Variants in TEX48 observed in about 807,000 individuals in gnomAD.
The protein encoded by TEX48 is testis expressed 48.
TEX48 carries 10 observed loss-of-function variants against 13.2 expected under a neutral mutation model. The observed-to-expected ratio is 0.75, with a 90% CI of 0.47 to 1.28. The LOEUF (loss-of-function observed/expected upper bound fraction) is 1.28. TEX48 is among the 50% of genes most tolerant of loss of function. The probability of loss-of-function intolerance (pLI) is 0.00; values close to 1 mark genes in which losing one functional copy is unlikely to be tolerated. For synonymous variants in TEX48, 45 were observed against 52.3 expected (o/e 0.86, Z 0.60); for missense variants, 116 against 139.4 (o/e 0.83, Z 0.84).
chr9:114,667,056 G>A lies in TEX48; in HGVS notation c.260-310C>T, dbSNP rs540948144. Among the ~76,000 whole-genome samples, 6 of 152,326 alleles carry A rather than the reference G, an allele frequency of 3.9e-5. No homozygotes were observed. In the East Asian group the frequency reaches 9.7e-4, roughly 25 times the overall value. On this transcript the variant is annotated intron_variant, in intron 4 of 4. Coordinates refer to ENST00000436752, the MANE Select transcript of TEX48 (RefSeq NM_001199233.2). ...ACTTACGTCATTCCCTAGTGCACTC[G>A]TGGGAAGTCCCTTTCCCTCTGTGAG...
intron 4 of TEX48, among the ~76,000 whole-genome samples, chr9:114,667,414 A>C (rs1396764554): frequency 6.6e-6 from 1 of 152,026 alleles, no homozygotes; most frequent in Non-Finnish European, 1.5e-5. Context: ...TTCTTCTGTG[A>C]CCCAGAGGCA....
intron 1 of TEX48, among the ~76,000 whole-genome samples, chr9:114,681,200 G>A (rs929699141): frequency 5.3e-5 from 8 of 152,012 alleles, no homozygotes; most frequent in South Asian, 4.2e-4. Context: ...GAGATCGTCC[G>A]TATTATCAGC....
At chr9:114,668,158 C>T (rs1170545128) in intron 4 of TEX48, 48 bp downstream of exon 4, 1 of 1,533,072 alleles carries the variant, frequency 6.5e-7, no homozygotes, top group Admixed American at 2.0e-5. Context: ...ACCAGGCTCC[C>T]TGTCTGGGAG....
intron 4 of TEX48, among the ~76,000 whole-genome samples, chr9:114,667,758 G>A (rs1445681902): frequency 6.6e-6 from 1 of 152,040 alleles, no homozygotes; most frequent in Non-Finnish European, 1.5e-5. Flanking sequence ...AATTAACCAG[G>A]CATGTTGGTG....
At chr9:114,677,641 GTC>G (rs940474234) in intron 1 of TEX48, among the ~76,000 whole-genome samples, 7 of 152,158 alleles carry the variant, frequency 4.6e-5, no homozygotes, top group African/African-American at 1.7e-4. Flanking sequence ...AGCCCTGAGT[GTC>G]TGGAGTTTTA....
chr9:114,671,454 C>T lies in TEX48; in HGVS notation c.56G>A (p.Cys19Tyr), dbSNP rs557924595. The change falls in exon 3 of 5, where the codon TGT becomes TAT. Residue 19 changes from cysteine (C) to tyrosine (Y), a missense_variant. Physicochemically the swap from Cys to Tyr is radical, Grantham distance 194. Coordinates refer to ENST00000436752, the MANE Select transcript of TEX48 (RefSeq NM_001199233.2). ...LKIFCLCCRD[C>Y]QEPYAINDSK... is the part of the protein sequence containing the mutation. Reference sequence around the variant, plus strand: ...GTCATTGATGGCATAGGGCTCCTGACAGTCCCTGCAGCATAAACAGAAGAT... The same window carrying T: ...GTCATTGATGGCATAGGGCTCCTGATAGTCCCTGCAGCATAAACAGAAGAT... The T allele has an allele frequency of 6.5e-6, 10 of 1,535,572 alleles. 1 individual carries two copies. The South Asian group carries it at 7.1e-5, about 11-fold the overall frequency.
In TEX48 at chr9:114,681,209, G is replaced by C. The variant is rs149270565; in HGVS notation, c.-105+826C>G. 2.4e-3 allele frequency among the ~76,000 whole-genome samples: 358 copies of C among 152,124 alleles called. 3 individuals carry two copies. The highest frequency in any genetic ancestry group is 7.8e-3 in the African/African-American group (322 of 41,496). ...ACCGTGGAGATCGTCCGTATTATCA[G>C]CAGCGATCTGAAGCGCAGGTTTGTT... is the stretch of plus-strand genomic sequence containing the variant. On this transcript the variant is annotated intron_variant, in intron 1 of 4. Transcript: ENST00000436752.
chr9:114,669,015 T>G (rs979082413), intron 3 of TEX48, among the ~76,000 whole-genome samples: 4 of 152,058 alleles, frequency 2.6e-5, no homozygotes, highest in Non-Finnish European at 5.9e-5. Context: ...TTTTAAATTT[T>G]TTTTTGTAGG....
chr9:114,674,017 G>C (rs751103401), intron 1 of TEX48, among the ~76,000 whole-genome samples: 1 of 151,784 alleles, frequency 6.6e-6, no homozygotes, highest in African/African-American at 2.4e-5. Context: ...TATAGCCCAG[G>C]CTGGCCTTGA....
rs1034208598 is a variant in TEX48 at position 114,666,695 on chromosome 9, C to G, written c.311G>C (p.Arg104Pro). The G allele has an allele frequency of 8.5e-6, 13 of 1,535,240 alleles. No homozygotes were observed. Among genetic ancestry groups the G allele is most frequent in the Non-Finnish European group, 8.7e-6 (10 of 1,146,624 alleles). Reference protein sequence around the residue: ...QRNFYKRNLNRYCQEHWPFQP... With the variant: ...QRNFYKRNLNPYCQEHWPFQP... The stretch of plus-strand genomic sequence containing the variant: ...GAATGGCCAGTGCTCCTGGCAGTAG[C>G]GGTTTAAGTTTCTCTTGTAAAAATT... The change falls in exon 5 of 5, where the codon CGC (arginine) becomes CCC (proline). Residue 104 changes from arginine to proline, a missense_variant. Physicochemically the swap from Arg to Pro is moderately radical, Grantham distance 103. Coordinates refer to ENST00000436752, the MANE Select transcript of TEX48 (RefSeq NM_001199233.2).
rs191927810 is a variant in TEX48 at position 114,679,832 on chromosome 9, T to C, written c.-105+2203A>G. 4.7e-4 allele frequency among the ~76,000 whole-genome samples: 71 copies of C among 152,306 alleles called. 2 individuals carry two copies. The East Asian group carries it at 0.012, about 26-fold the overall frequency. ...TCACCTTGACTGACACAGCAAATCA[T>C]GTAGCCCACACCCTAGGGTACACCT... On this transcript the variant is annotated intron_variant, in intron 1 of 4. Coordinates refer to ENST00000436752, the MANE Select transcript of TEX48 (RefSeq NM_001199233.2).
chr9:114,674,927 T>C (rs1241233049), intron 1 of TEX48, among the ~76,000 whole-genome samples: 2 of 150,458 alleles, frequency 1.3e-5, no homozygotes, highest in Admixed American at 6.7e-5. Context: ...CATGTTGGCC[T>C]CCCAAAGTGC....
intron 3 of TEX48, among the ~76,000 whole-genome samples, chr9:114,668,782 A>G (rs561078028): frequency 6.6e-6 from 1 of 152,222 alleles, no homozygotes; most frequent in Non-Finnish European, 1.5e-5. Context: ...GTCTTTTCCT[A>G]TGCATATTTT....
rs1390282900 is a variant in TEX48 at position 114,668,186 on chromosome 9, G to A, written c.259+20C>T. ...TCTGGGAGTTTCTGGTCAGTGTTAGGACCCCAATTTGGGACTCACCCTCAA... is the reference window on the plus strand; with the variant it reads ...TCTGGGAGTTTCTGGTCAGTGTTAGAACCCCAATTTGGGACTCACCCTCAA... On this transcript the variant is annotated intron_variant, in intron 4 of 4. Transcript: ENST00000436752. The A allele has an allele frequency of 5.9e-6, 9 of 1,535,396 alleles. No homozygotes were observed. Among genetic ancestry groups the A allele is most frequent in the Non-Finnish European group, 8.7e-7 (1 of 1,146,874 alleles).
intron 1 of TEX48, among the ~76,000 whole-genome samples, chr9:114,677,708 C>T (rs1197792413): frequency 6.6e-6 from 1 of 152,026 alleles, no homozygotes; most frequent in Non-Finnish European, 1.5e-5. Flanking sequence ...GACTTGGGTC[C>T]CTCTAAACCT....
chr9:114,674,595 CT>C (rs1309917501), intron 1 of TEX48, among the ~76,000 whole-genome samples: 1 of 96,254 alleles, frequency 1.0e-5, no homozygotes. Context: ...TCTCTTTTCT[CT>C]TTTTCTTTCC....
chr9:114,673,187 C>T (rs1345033694), intron 1 of TEX48, among the ~76,000 whole-genome samples: 1 of 152,022 alleles, frequency 6.6e-6, no homozygotes, highest in Non-Finnish European at 1.5e-5. Context: ...CAAAAAATCA[C>T]AACGACCGGG....
chr9:114,671,801 G>T lies in TEX48; in HGVS notation c.-78C>A. ...TTGAATCAGCCAGTCTTGAGTTTGA[G>T]CCCAGTTCACTGGGCTGGGCTGTTT... On this transcript the variant is annotated 5_prime_UTR_variant, in exon 2 of 5. Transcript: ENST00000436752. 1 of 1,494,978 alleles carries T rather than the reference G, an allele frequency of 6.7e-7. No individual in the cohort carries two copies. The allele number at this position is 1,494,978 out of a possible 1,614,324, so 92.6% of individuals were successfully genotyped here.
rs186318324 is a variant in TEX48, at chr9:114,671,848, G to A, written c.-104-21C>T. ...GTTTCCTAAGTAAACATAAGACCGT[G>A]GCTGAAAAATGCTAGTCCTTCACCT... On this transcript the variant is annotated intron_variant, in intron 1 of 4. Coordinates refer to ENST00000436752, the MANE Select transcript of TEX48 (RefSeq NM_001199233.2). 3.6e-5 allele frequency: 40 copies of A among 1,106,318 alleles called. No homozygotes were observed. In the East Asian group the frequency reaches 9.8e-4, roughly 27 times the overall value. The allele number at this position is 1,106,318 out of a possible 1,614,324, so 68.5% of individuals were successfully genotyped here.
Sources: gnomAD v4.1 joint callset for allele counts (sites outside exome capture counted in the v4.1 genomes callset) on GRCh38, gnomAD v4.1.1 for gene constraint, MANE v1.5 for transcripts, NCBI Gene and HGNC (gene_info 2026-07-23, HGNC 2026-07-21) for gene names.